Variants in TOP1 observed in about 807,000 individuals in gnomAD.
The protein encoded by TOP1 is DNA topoisomerase I.
A neutral mutation model predicts 111.1 loss-of-function variants in TOP1; 10 were observed. That is an observed-to-expected ratio of 0.09 (90% CI 0.06 to 0.15). The LOEUF (loss-of-function observed/expected upper bound fraction) is 0.15, where lower values mean the gene tolerates loss of function less well. Among genes scored for constraint, TOP1 ranks in the 10% least tolerant of loss-of-function variants. TOP1 has a pLI of 1.00. For missense variants in TOP1, 474 were observed against 926.7 expected (o/e 0.51, Z 6.34); for synonymous variants, 271 against 302.9 (o/e 0.89, Z 1.10).
At chr20:41,075,024 T>C (rs904814784) in intron 3 of TOP1, among the ~76,000 whole-genome samples, 1 of 152,240 alleles carries the variant, frequency 6.6e-6, no homozygotes, top group African/African-American at 2.4e-5. Context: ...ACTCAAATTA[T>C]AGCTTAGCAG....
At chr20:41,113,898 A>AAAC in intron 14 of TOP1, 72 bp from the exon 15 acceptor site, 1 of 1,250,550 alleles carries the variant, frequency 8.0e-7, no homozygotes, top group Non-Finnish European at 1.1e-6. Context: ...AAAAAAAAAA[A>AAAC]ACACAGAACG....
At chr20:41,075,422 C>T (rs979564735) in intron 3 of TOP1, among the ~76,000 whole-genome samples, 13 of 152,212 alleles carry the variant, frequency 8.5e-5, no homozygotes, top group Non-Finnish European at 5.9e-5. Context: ...CCGCCTGCCT[C>T]GGCCTTCCAA....
At chr20:41,093,867 G>A (rs940272036) in intron 9 of TOP1, among the ~76,000 whole-genome samples, 2 of 152,114 alleles carry the variant, frequency 1.3e-5, no homozygotes, top group African/African-American at 4.8e-5. Flanking sequence ...TGCCAAACTT[G>A]GCAAGCTGAA....
rs566167903 is a variant in TOP1 at position 41,077,134 on chromosome 20, A to G, written c.280-448A>G. ...GGGGTCTCACTGTGTTGGCGGGGCT[A>G]GTCTCGAACTCCTGGCCTCAAGCAG... On this transcript the variant is annotated intron_variant, in intron 4 of 20. Transcript: ENST00000361337. 1.4e-4 allele frequency among the ~76,000 whole-genome samples: 22 copies of G among 152,292 alleles called. 1 individual carries two copies. The South Asian group carries it at 4.4e-3, about 30-fold the overall frequency.
chr20:41,044,669 A>C (rs1341620130), intron 2 of TOP1, among the ~76,000 whole-genome samples: 3 of 152,242 alleles, frequency 2.0e-5, no homozygotes, highest in Admixed American at 6.5e-5. Context: ...AGTGCTAGGA[A>C]GCAGAGTATT....
At chr20:41,089,925 A>G (rs536418267) in intron 8 of TOP1, among the ~76,000 whole-genome samples, 1 of 152,120 alleles carries the variant, frequency 6.6e-6, no homozygotes, top group African/African-American at 2.4e-5. Context: ...GGCCACTTGT[A>G]TATCTTCTTT....
chr20:41,110,277 C>T lies in TOP1; in HGVS notation c.1309-2505C>T, dbSNP rs769939720. ...TCCAGCCTGGTGACAGAGCGAGACG[C>T]TGTCTCAGAGGGAAAAAAAAAAGTT... On this transcript the variant is annotated intron_variant, in intron 13 of 20. Coordinates refer to ENST00000361337, the MANE Select transcript of TOP1 (RefSeq NM_003286.4). This position sits in a 1 kb window ranked among gnomAD's most constrained non-coding sequence, Gnocchi z 4.2. 3.1e-4 allele frequency among the ~76,000 whole-genome samples: 47 copies of T among 151,728 alleles called. No individual in the cohort carries two copies. Among genetic ancestry groups the T allele is most frequent in the Admixed American group, 2.6e-4 (4 of 15,238 alleles).
chr20:41,029,377 G>C lies in TOP1; in HGVS notation c.34-54G>C. 1 of 1,430,328 alleles carries C rather than the reference G, an allele frequency of 7.0e-7. No individual in the cohort carries two copies. Among genetic ancestry groups the C allele is most frequent in the South Asian group, 1.5e-5 (1 of 65,970 alleles). The allele number at this position is 1,430,328 out of a possible 1,614,324, so 88.6% of individuals were successfully genotyped here. ...CAGACCCCGGCCGCGCGCGCTCGCC[G>C]CCGGAGGGGTTAAAGTGGCTGTTGT... On this transcript the variant is annotated intron_variant, in intron 1 of 20. Coordinates refer to ENST00000361337, the MANE Select transcript of TOP1 (RefSeq NM_003286.4). The surrounding 1 kb of genome is among the most constrained non-coding windows in gnomAD (Gnocchi z 6.1).
chr20:41,091,405 G>A (rs540987262), intron 8 of TOP1, among the ~76,000 whole-genome samples: 43 of 152,020 alleles, frequency 2.8e-4, no homozygotes, highest in Non-Finnish European at 5.4e-4. Context: ...AGATTATTTT[G>A]TTAGATGTGA....
At chr20:41,036,876 G>A (rs1204684263) in intron 2 of TOP1, among the ~76,000 whole-genome samples, 2 of 133,860 alleles carry the variant, frequency 1.5e-5, no homozygotes, top group African/African-American at 5.7e-5. Context: ...TGTTACCCAG[G>A]CTGGAGTGCA....
rs2034445935 is a variant in TOP1 at position 41,123,034 on chromosome 20, A to G, written c.2196-161A>G. Among the ~76,000 whole-genome samples, 1 of 152,244 alleles carries G rather than the reference A, an allele frequency of 6.6e-6. No homozygotes were observed. Among genetic ancestry groups the G allele is most frequent in the Non-Finnish European group, 1.5e-5 (1 of 68,046 alleles). ...TAGAGATCACTGCCAAGATTAAATG[A>G]GTTGATCACATAAAACCTTTAGAAC... is the stretch of plus-strand genomic sequence containing the variant. On this transcript the variant is annotated intron_variant, in intron 20 of 20. Coordinates refer to ENST00000361337, the MANE Select transcript of TOP1 (RefSeq NM_003286.4). The surrounding 1 kb of genome is among the most constrained non-coding windows in gnomAD (Gnocchi z 5.8).
intron 8 of TOP1, among the ~76,000 whole-genome samples, chr20:41,091,117 A>G (rs1194779921): frequency 1.3e-5 from 2 of 152,238 alleles, no homozygotes; most frequent in African/African-American, 4.8e-5. Flanking sequence ...TTGTTACAAT[A>G]TGGTTTGATA....
Position 41,085,535 on chromosome 20 carries a change from TTAAC to T in TOP1, c.614+970_614+973del, listed in dbSNP as rs1318385845. ...ACTTATTTCTGTTAACATGTTCTAT[TTAAC>T]TACTATACCAGCAGTACATGATTTT... On this transcript the variant is annotated intron_variant, in intron 8 of 20. Coordinates refer to ENST00000361337, the MANE Select transcript of TOP1 (RefSeq NM_003286.4). Among the ~76,000 whole-genome samples the T allele has an allele frequency of 2.0e-5, 3 of 152,260 alleles. No individual in the cohort carries two copies. In the East Asian group the frequency reaches 5.8e-4, roughly 29 times the overall value.
intron 8 of TOP1, among the ~76,000 whole-genome samples, chr20:41,088,421 T>C (rs1422739508): frequency 6.6e-6 from 1 of 152,186 alleles, no homozygotes; most frequent in African/African-American, 2.4e-5. Context: ...GAGAATGGTG[T>C]GAACCCTGGA....
rs756368894 is a variant in TOP1, at chr20:41,077,578, T to C, written c.280-4T>C. The stretch of plus-strand genomic sequence containing the variant: ...GTACTAGTTACTGTTGTTTTACTTT[T>C]CAGGTTCGAGCCTCTGGGGATGCAA... On this transcript the variant is annotated splice_region_variant and splice_polypyrimidine_tract_variant and intron_variant, in intron 4 of 20. Transcript: ENST00000361337. 1 of 1,613,992 alleles carries C rather than the reference T, an allele frequency of 6.2e-7. No individual in the cohort carries two copies. Among genetic ancestry groups the C allele is most frequent in the Non-Finnish European group, 8.5e-7 (1 of 1,179,810 alleles).
chr20:41,045,167 A>T lies in TOP1; in HGVS notation c.58+15712A>T, dbSNP rs192859502. 2.8e-3 allele frequency among the ~76,000 whole-genome samples: 428 copies of T among 152,208 alleles called. 2 individuals are homozygous for T. Among genetic ancestry groups the T allele is most frequent in the Non-Finnish European group, 4.5e-3 (305 of 68,018 alleles). On this transcript the variant is annotated intron_variant, in intron 2 of 20. Transcript: ENST00000361337. Reference sequence around the variant, plus strand: ...AATTATTTTATTTTATTTTATTTTAATTTAAATATAAACTAGCCAATAGTG... The same window carrying T: ...AATTATTTTATTTTATTTTATTTTATTTTAAATATAAACTAGCCAATAGTG...
chr20:41,040,418 A>C (rs2033247277), intron 2 of TOP1, among the ~76,000 whole-genome samples: 1 of 152,206 alleles, frequency 6.6e-6, no homozygotes, highest in African/African-American at 2.4e-5. Context: ...CTTCTTAGGA[A>C]TTGATTGTGG....
At chr20:41,065,097 G>A (rs1052308023) in intron 3 of TOP1, among the ~76,000 whole-genome samples, 3 of 152,066 alleles carry the variant, frequency 2.0e-5, no homozygotes, top group African/African-American at 4.8e-5. Flanking sequence ...TAGAGACAGG[G>A]TTTCACCATG....
At chr20:41,084,151 T>A (rs2033819749) in intron 7 of TOP1, among the ~76,000 whole-genome samples, 1 of 152,128 alleles carries the variant, frequency 6.6e-6, no homozygotes, top group South Asian at 2.1e-4. Context: ...ACACTCGGAT[T>A]ACTCTCTAGA....
Sources: gnomAD v4.1 joint callset for allele counts (sites outside exome capture counted in the v4.1 genomes callset) on GRCh38, gnomAD v4.1.1 for gene constraint, Gnocchi (gnomAD v3.1) non-coding constraint, MANE v1.5 for transcripts, NCBI Gene and HGNC (gene_info 2026-07-23, HGNC 2026-07-21) for gene names.